Variants in VDAC2 observed in about 807,000 individuals in gnomAD.
VDAC2 encodes the protein non-selective voltage-gated ion channel VDAC2.
A neutral mutation model predicts 36.6 loss-of-function variants in VDAC2; 6 were observed. That is an observed-to-expected ratio of 0.16 (90% confidence interval 0.09 to 0.32). The LOEUF is 0.32. VDAC2 is among the 10% of genes least tolerant of loss of function. The pLI, the probability that VDAC2 is intolerant of heterozygous loss-of-function variation, is 1.00. For missense variants in VDAC2, 247 were observed against 346.0 expected (o/e 0.71, Z 2.27); for synonymous variants, 109 against 123.8 (o/e 0.88, Z 0.79).
intron 8 of VDAC2, among the ~76,000 whole-genome samples, chr10:75,228,113 C>T (rs958332519): frequency 1.3e-5 from 2 of 150,762 alleles, no homozygotes; most frequent in African/African-American, 4.9e-5. Flanking sequence ...CCAGGATGGT[C>T]TCGATTTCCT....
At chr10:75,225,777 C>T (rs960516597) in intron 8 of VDAC2, among the ~76,000 whole-genome samples, 4 of 151,862 alleles carry the variant, frequency 2.6e-5, no homozygotes, top group East Asian at 3.9e-4. Context: ...TTTTTCTCTT[C>T]ATAGGACCGA....
At chr10:75,211,076 CG>C in intron 1 of VDAC2, 57 bp from the exon 2 acceptor site, 1 of 1,487,896 alleles carries the variant, frequency 6.7e-7, no homozygotes, top group Non-Finnish European at 9.1e-7. Context: ...CCTCTCTGCC[CG>C]GGATCTCCCT....
At position 75,222,342 on chromosome 10, in the gene VDAC2, C is replaced by G. The variant is rs1406973554; in HGVS notation, c.675C>G (p.Thr225=). The part of the protein sequence containing the change: ...TSVNLAWTSG[T]NCTRFGIAAK... ...TAAACCTTGCTTGGACATCAGGTAC[C>G]AACTGCACTCGTTTTGGCATTGCAG... Residue 225 remains threonine, a synonymous_variant, in exon 8 of 10, where the codon ACC becomes ACG. Coordinates refer to ENST00000332211, the MANE Select transcript of VDAC2 (RefSeq NM_001391963.1). 1 of 1,613,980 alleles carries G rather than the reference C, an allele frequency of 6.2e-7. No individual in the cohort carries two copies. Among genetic ancestry groups the G allele is most frequent in the Non-Finnish European group, 8.5e-7 (1 of 1,180,008 alleles).
Position 75,212,281 on chromosome 10 carries a change from T to C in VDAC2, c.83T>C (p.Ile28Thr). The C allele has an allele frequency of 1.2e-6, 2 of 1,613,466 alleles. No homozygotes were observed. The highest frequency in any genetic ancestry group is 1.7e-6 in the Non-Finnish European group (2 of 1,179,842). The change falls in exon 3 of 10, where the codon ATT becomes ACT. Residue 28 changes from isoleucine (I) to threonine (T), a missense_variant. Ile to Thr is a moderately conservative substitution (Grantham distance 89). This residue lies in a region of VDAC2 where 76 missense variants were observed against 76.9 expected (regional missense o/e 0.99). Transcript: ENST00000332211. ...GACCTTGGCAAAGCTGCCAGAGATA[T>C]TTTCAACAAAGGATTTGGTAAGAAC... The part of the protein sequence containing the change: ...YADLGKAARD[I>T]FNKGFGFGLV...
chr10:75,223,474 A>G (rs1841877309), intron 8 of VDAC2, among the ~76,000 whole-genome samples: 2 of 152,200 alleles, frequency 1.3e-5, no homozygotes, highest in African/African-American at 2.4e-5. Context: ...GTGTCATTTA[A>G]TGACTCCTGG....
chr10:75,211,037 A>G lies in VDAC2; in HGVS notation c.-25-97A>G, dbSNP rs1241905308. 8 of 1,207,902 alleles carry G rather than the reference A, an allele frequency of 6.6e-6. No homozygotes were observed. In the African/African-American group the frequency reaches 1.3e-4, roughly 19 times the overall value. The allele number at this position is 1,207,902 out of a possible 1,614,324, so 74.8% of individuals were successfully genotyped here. On this transcript the variant is annotated intron_variant, in intron 1 of 9. Coordinates refer to ENST00000332211, the MANE Select transcript of VDAC2 (RefSeq NM_001391963.1). ...TCGGAGTCGGCCCTGGCTTCCTAAG[A>G]TGGCCGCGCTGCCCCGCGGCCCCTC...
intron 2 of VDAC2, among the ~76,000 whole-genome samples, chr10:75,211,953 G>C (rs1320378918): frequency 6.6e-6 from 1 of 152,202 alleles, no homozygotes; most frequent in Non-Finnish European, 1.5e-5. Flanking sequence ...TACTTGTCCA[G>C]TCCTAGGAAG....
intron 8 of VDAC2, among the ~76,000 whole-genome samples, chr10:75,224,709 A>G (rs1564714831): frequency 6.6e-6 from 1 of 152,184 alleles, no homozygotes; most frequent in Non-Finnish European, 1.5e-5. Context: ...TTGATGCTAG[A>G]CCAAGCTCAG....
At chr10:75,215,700 G>A (rs1410643717) in intron 4 of VDAC2, among the ~76,000 whole-genome samples, 2 of 148,318 alleles carry the variant, frequency 1.3e-5, no homozygotes, top group African/African-American at 5.0e-5. Context: ...TTATTTAATC[G>A]TATTGTAGTT....
intron 8 of VDAC2, among the ~76,000 whole-genome samples, chr10:75,227,598 T>TTTTTGG (rs1355248368): frequency 6.7e-6 from 1 of 149,088 alleles, no homozygotes; most frequent in Non-Finnish European, 1.5e-5. Context: ...TTTTTTTTTT[T>TTTTTGG]GGAGACAGAG....
At chr10:75,218,030 G>A (rs1460437603) in intron 4 of VDAC2, 2 of 928,414 alleles carry the variant, frequency 2.2e-6, no homozygotes, top group Non-Finnish European at 3.0e-6. Flanking sequence ...TGAGGCTGCA[G>A]TCAGCTGTGA....
chr10:75,211,725 A>AT (rs1286044658), intron 2 of VDAC2: 9 of 1,526,992 alleles, frequency 5.9e-6, no homozygotes, highest in African/African-American at 5.5e-5. Flanking sequence ...ACATGGCAGT[A>AT]TTTTTTCCAA....
intron 1 of VDAC2, 50 bp downstream of exon 1, chr10:75,210,988 C>T (rs1841395481): frequency 1.4e-6 from 1 of 719,570 alleles, no homozygotes; most frequent in Middle Eastern, 2.6e-4. Context: ...GCCGCGGCGG[C>T]CAAGCCGGAG....
In VDAC2 at chr10:75,213,688, G is replaced by C. The variant is rs192068478; in HGVS notation, c.101-333G>C. On this transcript the variant is annotated intron_variant, in intron 3 of 9. Transcript: ENST00000332211. ...GAACCCAGGAGGTGGAGGTTGCAGT[G>C]AGCTGAGATCGTGCCACTGCACTCC... Among the ~76,000 whole-genome samples, 476 of 152,262 alleles carry C rather than the reference G, an allele frequency of 3.1e-3. 1 individual carries two copies. Among genetic ancestry groups the C allele is most frequent in the Non-Finnish European group, 5.5e-3 (376 of 68,026 alleles).
intron 7 of VDAC2, among the ~76,000 whole-genome samples, chr10:75,221,623 G>GT (rs1375252715): frequency 6.6e-6 from 1 of 151,956 alleles, no homozygotes; most frequent in East Asian, 1.9e-4. Flanking sequence ...GGCTATTGTT[G>GT]TTTTTTTGTT....
chr10:75,227,459 C>T (rs963353423), intron 8 of VDAC2, among the ~76,000 whole-genome samples: 3 of 151,682 alleles, frequency 2.0e-5, no homozygotes, highest in Non-Finnish European at 2.9e-5. Flanking sequence ...GAATCGTTTG[C>T]TTGATGTGTG....
chr10:75,212,363 G>GA (rs1279924678), intron 3 of VDAC2, 65 bp downstream of exon 3: 1 of 1,378,562 alleles, frequency 7.3e-7, no homozygotes, highest in Non-Finnish European at 1.0e-6. Flanking sequence ...GTTGCTTAGC[G>GA]AAATCAGATC....
chr10:75,229,720 G>A lies in VDAC2; in HGVS notation c.793+19G>A, dbSNP rs2132286191. ...AGGCCTGGTAAGTATTCTTGATAAA[G>A]TAGGATTGTTTTGATAGTATTAAAA... On this transcript the variant is annotated intron_variant, in intron 9 of 9. Transcript: ENST00000332211. 1.3e-6 allele frequency: 2 copies of A among 1,581,516 alleles called. No homozygotes were observed. The highest frequency in any genetic ancestry group is 1.7e-6 in the Non-Finnish European group (2 of 1,167,258).
intron 4 of VDAC2, among the ~76,000 whole-genome samples, chr10:75,214,677 A>G (rs914187872): frequency 1.3e-5 from 2 of 152,254 alleles, no homozygotes; most frequent in Admixed American, 1.3e-4. Context: ...GGTGCCTGCC[A>G]CCACGCCTGA....
Sources: allele counts gnomAD v4.1 joint callset (sites outside exome capture counted in the v4.1 genomes callset), GRCh38; gene constraint gnomAD v4.1.1; regional missense constraint gnomAD v4.1.1; transcripts MANE v1.5; gene names NCBI Gene and HGNC (gene_info 2026-07-23, HGNC 2026-07-21).